ISLR2: variants seen among roughly 807,000 people sequenced by gnomAD.
ISLR2 encodes the protein immunoglobulin superfamily containing leucine rich repeat 2.
Under a neutral mutation model 25.5 loss-of-function variants are expected in ISLR2, and 16 were observed. The ratio of observed to expected loss-of-function variants is 0.63; its 90% CI spans 0.43 to 0.95. The LOEUF (loss-of-function observed/expected upper bound fraction) is 0.95. Ranked by LOEUF, ISLR2 falls within the 40% of genes least tolerant of loss-of-function variation. The pLI, the probability that ISLR2 is intolerant of heterozygous loss-of-function variation, is 0.00. For missense variants in ISLR2, 883 were observed against 1,030.7 expected (o/e 0.86, Z 1.96); for synonymous variants, 508 against 486.6 (o/e 1.04, Z -0.58).
At chr15:74,128,610 C>A (rs772087087), upstream of ISLR2, 1 of 456,682 alleles carries the variant, frequency 2.2e-6, no homozygotes, top group South Asian at 1.5e-5. Flanking sequence ...CTTCCATTAC[C>A]CAGATTCTGC....
At chr15:74,122,355 T>C (rs2072259730) in intron 2 of ISLR2, among the ~76,000 whole-genome samples, 1 of 152,206 alleles carries the variant, frequency 6.6e-6, no homozygotes, top group African/African-American at 2.4e-5. Context: ...CTAGAGCTGA[T>C]TGCCTACAGG....
In ISLR2 at chr15:74,133,600, C is replaced by G; in HGVS notation, c.846C>G (p.Val282=). ...TTCAGATCCCCGGTGGCACCGTAGT[C>G]TTAGAGCCACCGGTTCTGAGCGGGG... The part of the protein sequence containing the change: ...WQLQIPGGTV[V]LEPPVLSGED... Residue 282 remains valine (V), a synonymous_variant, in exon 3 of 3, where the codon GTC becomes GTG. Coordinates refer to ENST00000453268, the MANE Select transcript of ISLR2 (RefSeq NM_020851.3). 1.2e-6 allele frequency: 2 copies of G among 1,614,110 alleles called. No individual in the cohort carries two copies. The highest frequency in any genetic ancestry group is 1.7e-6 in the Non-Finnish European group (2 of 1,180,002).
chr15:74,121,830 C>T (rs1225376454), intron 2 of ISLR2, among the ~76,000 whole-genome samples: 2 of 152,220 alleles, frequency 1.3e-5, no homozygotes, highest in Non-Finnish European at 2.9e-5. Context: ...CAGATCTCTG[C>T]CCCAGCCAGC....
intron 2 of ISLR2, among the ~76,000 whole-genome samples, chr15:74,104,467 A>C (rs915525729): frequency 3.3e-5 from 5 of 152,262 alleles, no homozygotes; most frequent in Admixed American, 2.0e-4. Context: ...TAGGAGGTCC[A>C]AAAGGAGCAC....
upstream of ISLR2, chr15:74,126,341 A>G (rs1208120023): frequency 6.8e-6 from 1 of 147,920 alleles, no homozygotes; most frequent in Non-Finnish European, 1.5e-5. Context: ...ACCGAAAAGC[A>G]TAGGTATTTT....
At chr15:74,121,878 G>A (rs1567156676) in intron 2 of ISLR2, among the ~76,000 whole-genome samples, 1 of 152,180 alleles carries the variant, frequency 6.6e-6, no homozygotes, top group Non-Finnish European at 1.5e-5. Flanking sequence ...GCCTGATTTG[G>A]GGTCAGCATC....
intron 1 of ISLR2, chr15:74,103,781 G>A (rs2072098732): frequency 7.3e-6 from 1 of 136,624 alleles, no homozygotes; most frequent in South Asian, 2.7e-4. Context: ...CATGGGGGTG[G>A]TTTCTCCCAT....
At chr15:74,106,863 C>T (rs1306155278) in intron 2 of ISLR2, among the ~76,000 whole-genome samples, 13 of 152,126 alleles carry the variant, frequency 8.5e-5, no homozygotes, top group South Asian at 2.1e-4. Context: ...GGGACTTCTA[C>T]GGGGCCCACC....
intron 2 of ISLR2, among the ~76,000 whole-genome samples, chr15:74,113,823 T>A (rs1001891714): frequency 2.0e-5 from 3 of 152,208 alleles, no homozygotes; most frequent in African/African-American, 7.2e-5. Context: ...AATTCAGATG[T>A]GTTTCCAGCA....
intron 2 of ISLR2, among the ~76,000 whole-genome samples, chr15:74,106,244 A>G (rs1366729318): frequency 6.6e-6 from 1 of 152,144 alleles, no homozygotes; most frequent in East Asian, 1.9e-4. Context: ...TACAGCTTCC[A>G]AGACTGGTGA....
At chr15:74,110,907 C>T (rs567093833) in intron 2 of ISLR2, among the ~76,000 whole-genome samples, 15 of 151,940 alleles carry the variant, frequency 9.9e-5, no homozygotes, top group Admixed American at 8.5e-4. Context: ...TGCAGTAAGC[C>T]GAGATTGAGA....
upstream of ISLR2, chr15:74,128,650 G>A: frequency 4.4e-6 from 2 of 456,386 alleles, no homozygotes; most frequent in Admixed American, 2.4e-5. Flanking sequence ...AAGAAAGAAA[G>A]AAAATAGGTA....
Position 74,134,361 on chromosome 15 carries a change from G to C in ISLR2, c.1607G>C (p.Gly536Ala). Residue 536 changes from glycine to alanine, a missense_variant, in exon 3 of 3, where the codon GGG becomes GCG. Around this residue, in one of 2 missense-constraint regions of ISLR2, gnomAD observed 612 missense variants for 642.8 expected, o/e 0.95. Coordinates refer to ENST00000453268, the MANE Select transcript of ISLR2 (RefSeq NM_020851.3). ...CGCCTACTCTATCTGTGTCCAGCGG[G>C]GGGCGGCGCGGCAGTGCAGTGGTCC... ...PLRLLYLCPA[G>A]GGAAVQWSRV... 1 of 1,600,210 alleles carries C rather than the reference G, an allele frequency of 6.2e-7. No homozygotes were observed. Among genetic ancestry groups the C allele is most frequent in the Non-Finnish European group, 8.5e-7 (1 of 1,175,530 alleles).
Position 74,132,751 on chromosome 15 carries a change from C to T in ISLR2, c.-4C>T, listed in dbSNP as rs771038262. 2.2e-5 allele frequency: 35 copies of T among 1,604,708 alleles called. No homozygotes were observed. The highest frequency in any genetic ancestry group is 2.8e-5 in the Non-Finnish European group (33 of 1,172,520). On this transcript the variant is annotated 5_prime_UTR_variant, in exon 3 of 3. Coordinates refer to ENST00000453268, the MANE Select transcript of ISLR2 (RefSeq NM_020851.3). This position sits in a 1 kb window ranked among gnomAD's most constrained non-coding sequence, Gnocchi z 4.3. ...TCACCTGGCTTCCATCTGCAGGAGC[C>T]GCGATGTTCCCCCTTCGGGCCCTGT... is the stretch of plus-strand genomic sequence containing the variant.
chr15:74,130,179 T>G (rs1400796425), upstream of ISLR2: 1 of 109,402 alleles, frequency 9.1e-6, no homozygotes, highest in East Asian at 3.3e-4. Context: ...GGCTGTGCGT[T>G]CTGGTGTCGG....
chr15:74,106,974 G>T (rs1476580358), intron 2 of ISLR2, among the ~76,000 whole-genome samples: 1 of 152,136 alleles, frequency 6.6e-6, no homozygotes, highest in Admixed American at 6.5e-5. Flanking sequence ...ACAGACCTTG[G>T]TGAGGGTGTT....
chr15:74,110,076 T>C (rs909593081), intron 2 of ISLR2, among the ~76,000 whole-genome samples: 1 of 152,188 alleles, frequency 6.6e-6, no homozygotes, highest in African/African-American at 2.4e-5. Context: ...TTTAAATACA[T>C]GTATTTAGGT....
At chr15:74,122,311 G>A (rs2072259325) in intron 2 of ISLR2, among the ~76,000 whole-genome samples, 1 of 152,246 alleles carries the variant, frequency 6.6e-6, no homozygotes, top group African/African-American at 2.4e-5. Flanking sequence ...TCTCCCTAAG[G>A]TGGGTGCAGA....
chr15:74,110,517 T>C (rs1273611289), intron 2 of ISLR2, among the ~76,000 whole-genome samples: 1 of 152,186 alleles, frequency 6.6e-6, no homozygotes, highest in East Asian at 1.9e-4. Context: ...TATGAAATAC[T>C]ATTCAACAAT....
Sources: allele counts gnomAD v4.1 joint callset (sites outside exome capture counted in the v4.1 genomes callset), GRCh38; gene constraint gnomAD v4.1.1; regional missense constraint gnomAD v4.1.1; non-coding constraint Gnocchi (gnomAD v3.1); transcripts MANE v1.5; gene names NCBI Gene and HGNC (gene_info 2026-07-23, HGNC 2026-07-21).